The following NTRK3 variants were observed in gnomAD, a reference collection of about 807,000 sequenced individuals.
The protein encoded by NTRK3 is neurotrophic receptor tyrosine kinase 3.
Under a neutral mutation model 91.7 loss-of-function variants are expected in NTRK3, and 24 were observed. That is an observed-to-expected ratio of 0.26 (90% CI 0.19 to 0.37). NTRK3 has a LOEUF of 0.37. Ranked by LOEUF, NTRK3 falls within the 10% of genes least tolerant of loss-of-function variation. The pLI, the probability that NTRK3 is intolerant of heterozygous loss-of-function variation, is 1.00. For missense variants in NTRK3, 880 were observed against 1,068.9 expected, an observed-to-expected ratio of 0.82 and a Z score of 2.46; for synonymous variants, 483 against 404.0, an observed-to-expected ratio of 1.20 and a Z score of -2.34.
At chr15:87,886,676 C>CAATATATATA (rs2065554047) in intron 17 of NTRK3, among the ~76,000 whole-genome samples, 1 of 101,204 alleles carries the variant, frequency 9.9e-6, no homozygotes, top group African/African-American at 4.1e-5. Flanking sequence ...CCACTTTTTG[C>CAATATATATA]TATATATATA....
chr15:88,148,241 C>T (rs2043061006), intron 5 of NTRK3, among the ~76,000 whole-genome samples: 1 of 152,178 alleles, frequency 6.6e-6, no homozygotes, highest in Admixed American at 6.5e-5. Flanking sequence ...CTTGTTTATA[C>T]ACACACATAT....
exon 19 of NTRK3, chr15:87,870,291 G>A (rs1378765590): frequency 1.1e-5 from 2 of 188,990 alleles, no homozygotes; most frequent in Non-Finnish European, 2.2e-5. Context: ...AAGCGGCCTG[G>A]GTGAGATTGG....
chr15:87,955,276 C>T (rs2071541627), intron 14 of NTRK3, among the ~76,000 whole-genome samples: 1 of 152,212 alleles, frequency 6.6e-6, no homozygotes, highest in Non-Finnish European at 1.5e-5. Context: ...TCCACCTGCC[C>T]ACCTGAAGCA....
intron 17 of NTRK3, among the ~76,000 whole-genome samples, chr15:87,906,422 TC>T (rs1209422939): frequency 6.6e-6 from 1 of 152,064 alleles, no homozygotes; most frequent in Admixed American, 6.5e-5. Context: ...ACAAAGATGC[TC>T]CCCAAATAGA....
intron 14 of NTRK3, 129 bp downstream of exon 14, chr15:88,032,728 G>C: frequency 2.0e-6 from 2 of 1,011,434 alleles, no homozygotes; most frequent in Non-Finnish European, 3.0e-6. Flanking sequence ...AAACAGGGAG[G>C]GTCTCTTAGA....
chr15:88,246,711 T>A (rs1003860803), intron 3 of NTRK3, among the ~76,000 whole-genome samples: 1 of 152,158 alleles, frequency 6.6e-6, no homozygotes, highest in Non-Finnish European at 1.5e-5. Context: ...TCCAATGCAC[T>A]CGCCCAGCCA....
intron 13 of NTRK3, among the ~76,000 whole-genome samples, chr15:88,050,706 T>C (rs542745136): frequency 6.6e-6 from 1 of 152,358 alleles, no homozygotes; most frequent in African/African-American, 2.4e-5. Context: ...AAGCAATTTA[T>C]AAATAATTAG....
chr15:88,110,947 T>C (rs2051275746), intron 13 of NTRK3, among the ~76,000 whole-genome samples: 1 of 152,014 alleles, frequency 6.6e-6, no homozygotes, highest in African/African-American at 2.4e-5. Context: ...GGTGGCAGTG[T>C]GCAAAGAGAG....
chr15:88,178,903 TAAG>T (rs2046230387), intron 5 of NTRK3, among the ~76,000 whole-genome samples: 1 of 152,126 alleles, frequency 6.6e-6, no homozygotes, highest in African/African-American at 2.4e-5. Context: ...ACCTCTCCTA[TAAG>T]AAGTTCTTGC....
At chr15:88,034,417 G>GTTAAT (rs761783783) in intron 13 of NTRK3, among the ~76,000 whole-genome samples, 5 of 152,230 alleles carry the variant, frequency 3.3e-5, no homozygotes, top group Non-Finnish European at 2.9e-5. Context: ...TAACGCTGCA[G>GTTAAT]TCTTGGTAGA....
intron 13 of NTRK3, among the ~76,000 whole-genome samples, chr15:88,046,830 C>T (rs113172843): frequency 4.7e-4 from 71 of 152,290 alleles, no homozygotes; most frequent in African/African-American, 1.6e-3. Flanking sequence ...ATTCGAACAG[C>T]GCTGCAGCAG....
exon 19 of NTRK3, chr15:87,876,777 T>C (rs1035099604): frequency 8.3e-6 from 6 of 722,996 alleles, no homozygotes; most frequent in African/African-American, 3.6e-5. Flanking sequence ...TTCTTTCTTT[T>C]TTTTTCCTTT....
chr15:87,886,676 C>CTATA lies in NTRK3; in HGVS notation c.2134-6252_2134-6249dup, dbSNP rs35011403. Among the ~76,000 whole-genome samples the CTATA allele has an allele frequency of 4.7e-3, 477 of 101,202 alleles. 20 individuals carry two copies. Among genetic ancestry groups the CTATA allele is most frequent in the Middle Eastern group, 0.01 (2 of 200 alleles). 66.4% of individuals were successfully genotyped at this position (101,202 alleles called of 152,430 possible). A position where few individuals can be genotyped will look rare whatever the true frequency, so the allele number is the denominator to read the frequency against. ...CCAAAGAGAAAAATCCCACTTTTTG[C>CTATA]TATATATATATATATATATATATAC... On this transcript the variant is annotated intron_variant, in intron 17 of 18. Transcript: ENST00000394480.
rs60232101 is a variant in NTRK3, at chr15:88,113,311, C to CTTTTT, written c.1396+12955_1396+12959dup. Among the ~76,000 whole-genome samples, 91 of 111,656 alleles carry CTTTTT rather than the reference C, an allele frequency of 8.2e-4. 1 individual carries two copies. The highest frequency in any genetic ancestry group is 1.1e-3 in the Non-Finnish European group (65 of 57,656). 73.3% of individuals were successfully genotyped at this position (111,656 alleles called of 152,430 possible). On this transcript the variant is annotated intron_variant, in intron 13 of 18. Transcript: ENST00000394480. Reference sequence around the variant, plus strand: ...GACTCCCCCACCTGCTGATCAATTTCTTTTTTTTTTTTTTTTTTTTTTGAG... The same window carrying CTTTTT: ...GACTCCCCCACCTGCTGATCAATTTCTTTTTTTTTTTTTTTTTTTTTTTTTTTGAG...
At chr15:87,865,606 A>G (rs2064647396) in exon 19 of NTRK3, 1 of 217,558 alleles carries the variant, frequency 4.6e-6, no homozygotes, top group South Asian at 1.9e-4. Flanking sequence ...GCTCCCTGAA[A>G]AATTAGTTAT....
chr15:87,916,511 G>A, intron 17 of NTRK3: 1 of 702,106 alleles, frequency 1.4e-6, no homozygotes, highest in Non-Finnish European at 2.6e-6. Context: ...TTCTTATGGG[G>A]CATCTTCCCC....
At chr15:87,859,912 A>T (rs1284450132) in exon 19 of NTRK3, 6 of 184,976 alleles carry the variant, frequency 3.2e-5, no homozygotes, top group Non-Finnish European at 5.7e-5. Context: ...AGTATTTACA[A>T]CTCTCACTTA....
chr15:88,206,746 G>A (rs2048827829), intron 3 of NTRK3, among the ~76,000 whole-genome samples: 1 of 151,854 alleles, frequency 6.6e-6, no homozygotes, highest in South Asian at 2.1e-4. Flanking sequence ...CAGTGGCCAG[G>A]CGGGCGGGGC....
intron 14 of NTRK3, among the ~76,000 whole-genome samples, chr15:87,948,426 G>A (rs1056892714): frequency 3.9e-5 from 6 of 152,206 alleles, no homozygotes; most frequent in Non-Finnish European, 7.3e-5. Flanking sequence ...GGTGGCTCAC[G>A]CCTGTAATCC....
Sources: allele counts gnomAD v4.1 joint callset (sites outside exome capture counted in the v4.1 genomes callset), GRCh38; gene constraint gnomAD v4.1.1; transcripts MANE v1.5; gene names NCBI Gene and HGNC (gene_info 2026-07-23, HGNC 2026-07-21).